The following WWP2 variants were observed in gnomAD, a reference collection of about 807,000 sequenced individuals.
WWP2 encodes WW domain containing E3 ubiquitin protein ligase 2.
In WWP2, 57 loss-of-function variants were observed where a neutral mutation model predicts 121.0. The ratio of observed to expected loss-of-function variants is 0.47; its 90% CI spans 0.38 to 0.59. The LOEUF is 0.59. WWP2 is among the 20% of genes least tolerant of loss of function. The probability of loss-of-function intolerance (pLI) is 0.00; values close to 1 mark genes in which losing one functional copy is unlikely to be tolerated. For synonymous variants in WWP2, 449 were observed against 441.3 expected, an observed-to-expected ratio of 1.02 and a Z score of -0.22; for missense variants, 962 against 1,158.9, an observed-to-expected ratio of 0.83 and a Z score of 2.47.
chr16:69,862,734 T>TTC (rs2057447412), intron 6 of WWP2, among the ~76,000 whole-genome samples: 1 of 138,044 alleles, frequency 7.2e-6, no homozygotes, highest in Non-Finnish European at 1.5e-5. Flanking sequence ...TTTTTTTTTT[T>TTC]GGAAACAGGG....
intron 1 of WWP2, among the ~76,000 whole-genome samples, chr16:69,771,550 T>A (rs1325529878): frequency 3.3e-5 from 5 of 152,206 alleles, no homozygotes; most frequent in Non-Finnish European, 5.9e-5. Context: ...CCTGAAGGAC[T>A]GTAGCTTTGT....
At chr16:69,894,732 C>G (rs887567093) in intron 8 of WWP2, among the ~76,000 whole-genome samples, 4 of 152,184 alleles carry the variant, frequency 2.6e-5, no homozygotes, top group Non-Finnish European at 5.9e-5. Flanking sequence ...TGTTTTTTCT[C>G]AGCGCTCAGC....
At chr16:69,893,181 C>T (rs1308300715) in intron 8 of WWP2, among the ~76,000 whole-genome samples, 1 of 152,178 alleles carries the variant, frequency 6.6e-6, no homozygotes, top group Non-Finnish European at 1.5e-5. Context: ...TCTGGGACTC[C>T]CTCCCGGATC....
rs1255376194 is a variant in WWP2, at chr16:69,941,257, G to C, written c.*1317G>C. 1 of 152,590 alleles carries C rather than the reference G, an allele frequency of 6.6e-6. No homozygotes were observed. The highest frequency in any genetic ancestry group is 1.5e-5 in the Non-Finnish European group (1 of 68,060). 9.5% of individuals were successfully genotyped at this position (152,590 alleles called of 1,614,324 possible). On this transcript the variant is annotated 3_prime_UTR_variant, in exon 24 of 24. Transcript: ENST00000359154. Reference sequence around the variant, plus strand: ...TGACCATGCCCCACCGGGGTGCTGGGGCAGTAGTCATGGCAGACTCCCGGC... The same window carrying C: ...TGACCATGCCCCACCGGGGTGCTGGCGCAGTAGTCATGGCAGACTCCCGGC...
At chr16:69,804,082 A>T (rs1037586508) in intron 4 of WWP2, among the ~76,000 whole-genome samples, 17 of 136,110 alleles carry the variant, frequency 1.2e-4, no homozygotes, top group Admixed American at 9.7e-4. Context: ...GTATTGAAAG[A>T]ACTCTTTATT....
Position 69,917,849 on chromosome 16 carries a change from C to T in WWP2, c.1145C>T (p.Ala382Val), listed in dbSNP as rs867498351. ...WQSQRNQLQG[A>V]MQHFSQRFLY... ...TCGCAGCGGAATCAGCTCCAGGGGGCCATGCAGCACTTCAGCCAAAGATTC... is the reference window on the plus strand; with the variant it reads ...TCGCAGCGGAATCAGCTCCAGGGGGTCATGCAGCACTTCAGCCAAAGATTC... The change falls in exon 10 of 24, where the codon GCC becomes GTC. Residue 382 changes from alanine (A) to valine (V), a missense_variant. Around this residue, in one of 3 missense-constraint regions of WWP2, gnomAD observed 606 missense variants for 772.6 expected, o/e 0.78. Coordinates refer to ENST00000359154, the MANE Select transcript of WWP2 (RefSeq NM_001270454.2). The T allele has an allele frequency of 6.2e-7, 1 of 1,612,736 alleles. No homozygotes were observed. Among genetic ancestry groups the T allele is most frequent in the Non-Finnish European group, 8.5e-7 (1 of 1,178,760 alleles).
chr16:69,939,220 ATGGAGAAGAGCTG>A, intron 22 of WWP2, 97 bp downstream of exon 22: 1 of 1,559,166 alleles, frequency 6.4e-7, no homozygotes, highest in South Asian at 1.1e-5. Context: ...CGTCAGTGGG[ATGGAGAAGAGCTG>A]TGGCCTCTGC....
chr16:69,838,738 T>A (rs1047157681), intron 4 of WWP2: 1 of 985,454 alleles, frequency 1.0e-6, no homozygotes, highest in Admixed American at 6.1e-5. Context: ...ACAAGTGTTA[T>A]TTTATAGAAA....
intron 7 of WWP2, among the ~76,000 whole-genome samples, chr16:69,884,084 CTTGCGGTTCTTT>C (rs2057879925): frequency 6.6e-6 from 1 of 152,174 alleles, no homozygotes; most frequent in African/African-American, 2.4e-5. Context: ...TGTTGTGTTT[CTTGCGGTTCTTT>C]CAAAGATATT....
At chr16:69,832,161 T>A (rs983799978) in intron 4 of WWP2, among the ~76,000 whole-genome samples, 3 of 152,146 alleles carry the variant, frequency 2.0e-5, no homozygotes, top group Non-Finnish European at 4.4e-5. Context: ...TGTTTTGTTT[T>A]GTTTTGTTTG....
intron 8 of WWP2, among the ~76,000 whole-genome samples, chr16:69,889,862 G>C (rs2057993731): frequency 6.6e-6 from 1 of 152,112 alleles, no homozygotes; most frequent in African/African-American, 2.4e-5. Flanking sequence ...AAAAAGAAGG[G>C]TGTAAGGCCT....
intron 17 of WWP2, among the ~76,000 whole-genome samples, chr16:69,934,611 C>T (rs533887801): frequency 1.4e-4 from 22 of 152,048 alleles, no homozygotes; most frequent in African/African-American, 5.3e-4. Flanking sequence ...GTGACACTGT[C>T]ACGGCATTTG....
At chr16:69,916,474 C>T (rs887144121) in intron 9 of WWP2, among the ~76,000 whole-genome samples, 3 of 152,150 alleles carry the variant, frequency 2.0e-5, no homozygotes, top group African/African-American at 7.2e-5. Context: ...GTGGGTTACT[C>T]TGATGGCTAT....
chr16:69,924,720 C>T (rs978778060), intron 10 of WWP2, among the ~76,000 whole-genome samples: 1 of 150,158 alleles, frequency 6.7e-6, no homozygotes, highest in African/African-American at 2.5e-5. Context: ...CCCACCCCCA[C>T]CCCGAGACAA....
chr16:69,906,536 T>G (rs1461921440), intron 8 of WWP2, among the ~76,000 whole-genome samples: 2 of 152,238 alleles, frequency 1.3e-5, no homozygotes, highest in Non-Finnish European at 2.9e-5. Context: ...TCATATACAG[T>G]TAGCTCTGCT....
chr16:69,895,692 C>T (rs541474784), intron 8 of WWP2, among the ~76,000 whole-genome samples: 85 of 152,218 alleles, frequency 5.6e-4, no homozygotes, highest in African/African-American at 1.9e-3. Context: ...TCCCGGAAGT[C>T]GAGCCTGTAG....
intron 6 of WWP2, among the ~76,000 whole-genome samples, chr16:69,868,824 C>A (rs997261926): frequency 2.0e-5 from 3 of 152,160 alleles, no homozygotes; most frequent in African/African-American, 7.2e-5. Flanking sequence ...TTAAGGTGAA[C>A]ATTTCTTCCC....
chr16:69,854,532 T>C (rs999933190), intron 6 of WWP2, among the ~76,000 whole-genome samples: 1 of 149,360 alleles, frequency 6.7e-6, no homozygotes, highest in East Asian at 2.1e-4. Flanking sequence ...ATTCTGTATG[T>C]AGGCTTTTCT....
chr16:69,786,932 G>A (rs2055805727), intron 1 of WWP2, 64 bp from the exon 2 acceptor site: 1 of 1,358,704 alleles, frequency 7.4e-7, no homozygotes, highest in African/African-American at 1.5e-5. Context: ...TATTGAAATT[G>A]AGTTAAACTC....
Sources: gnomAD v4.1 joint callset for allele counts (sites outside exome capture counted in the v4.1 genomes callset) on GRCh38, gnomAD v4.1.1 for gene constraint, gnomAD v4.1.1 regional missense constraint, MANE v1.5 for transcripts, NCBI Gene and HGNC (gene_info 2026-07-23, HGNC 2026-07-21) for gene names.